The following CSMD1 variants were observed in gnomAD, a reference collection of about 807,000 sequenced individuals.
CSMD1 encodes CUB and Sushi multiple domains 1.
Under a neutral mutation model 417.5 loss-of-function variants are expected in CSMD1, and 213 were observed. The observed-to-expected ratio is 0.51, with a 90% CI of 0.46 to 0.57. The LOEUF is 0.57. Among genes scored for constraint, CSMD1 ranks in the 20% least tolerant of loss-of-function variants. The probability of loss-of-function intolerance (pLI) is 0.00; values close to 1 mark genes in which losing one functional copy is unlikely to be tolerated. For synonymous variants in CSMD1, 2,862 were observed against 1,736.8 expected, an observed-to-expected ratio of 1.65 and a Z score of -16.11; for missense variants, 6,923 against 4,529.7, an observed-to-expected ratio of 1.53 and a Z score of -15.17.
chr8:3,749,167 G>T (rs770913661), intron 6 of CSMD1, among the ~76,000 whole-genome samples: 44 of 152,246 alleles, frequency 2.9e-4, no homozygotes, highest in Non-Finnish European at 5.0e-4. Flanking sequence ...GTGCTTACAA[G>T]GCACTTATTT....
At chr8:3,411,093 G>A (rs188188089) in intron 12 of CSMD1, among the ~76,000 whole-genome samples, 7 of 152,192 alleles carry the variant, frequency 4.6e-5, no homozygotes, top group African/African-American at 1.7e-4. Context: ...TTTGTGCAGA[G>A]TGATGCAGGA....
At chr8:4,328,535 T>G (rs1202635328) in intron 3 of CSMD1, among the ~76,000 whole-genome samples, 1 of 152,056 alleles carries the variant, frequency 6.6e-6, no homozygotes, top group Non-Finnish European at 1.5e-5. Context: ...TCTCCTGTAC[T>G]CTATAAATAT....
chr8:4,946,891 AAT>A (rs140905651), intron 1 of CSMD1, among the ~76,000 whole-genome samples: 4,595 of 152,310 alleles, frequency 0.03, 194 homozygotes, highest in East Asian at 0.15. Flanking sequence ...ATAATCAGAA[AAT>A]ATATGTTTCT....
chr8:3,661,385 C>T (rs1160652395), intron 7 of CSMD1, among the ~76,000 whole-genome samples: 34 of 152,124 alleles, frequency 2.2e-4, no homozygotes, highest in Non-Finnish European at 2.9e-5. Context: ...TGTTACTTCC[C>T]TTTTTTTGTG....
chr8:4,695,046 T>A (rs1407825115), intron 1 of CSMD1, among the ~76,000 whole-genome samples: 2 of 152,180 alleles, frequency 1.3e-5, no homozygotes, highest in Non-Finnish European at 2.9e-5. Flanking sequence ...ATCTTCCCCC[T>A]TCCCCCTTAT....
chr8:3,719,267 C>A (rs917473525), intron 6 of CSMD1, among the ~76,000 whole-genome samples: 40 of 152,016 alleles, frequency 2.6e-4, no homozygotes, highest in African/African-American at 9.4e-4. Flanking sequence ...TTACAAAAAC[C>A]CCAGTTTCAG....
chr8:3,951,558 A>C (rs1338252533), intron 5 of CSMD1, among the ~76,000 whole-genome samples: 3 of 152,204 alleles, frequency 2.0e-5, no homozygotes, highest in African/African-American at 7.2e-5. Context: ...AGTAAAATAC[A>C]TCGCCAAAGA....
At chr8:4,665,445 T>C (rs1408836410) in intron 1 of CSMD1, among the ~76,000 whole-genome samples, 17 of 152,224 alleles carry the variant, frequency 1.1e-4, no homozygotes, top group Non-Finnish European at 1.5e-5. Context: ...CCATGAGAGA[T>C]TCAAACTCCA....
chr8:3,308,353 C>T lies in CSMD1; in HGVS notation c.3782G>A (p.Gly1261Glu). The stretch of plus-strand genomic sequence containing the variant: ...TGGTTTGTCCCACACTCTCCTGTCT[C>T]CACTCAAACAGGTCAGGGTGTTGCT... ...HGSNTLTCLS[G>E]DRRVWDKPLP... The change falls in exon 24 of 70, where the codon GGA (glycine) becomes GAA (glutamate). Residue 1261 changes from glycine (G) to glutamate (E), a missense_variant. Transcript: ENST00000635120. 2 of 1,613,538 alleles carry T rather than the reference C, an allele frequency of 1.2e-6. No individual in the cohort carries two copies. Among genetic ancestry groups the T allele is most frequent in the Non-Finnish European group, 1.7e-6 (2 of 1,179,624 alleles).
intron 51 of CSMD1, among the ~76,000 whole-genome samples, chr8:3,025,928 T>G (rs369012455): frequency 6.6e-6 from 1 of 152,192 alleles, no homozygotes; most frequent in African/African-American, 2.4e-5. Flanking sequence ...GTTTTTAATG[T>G]ATGATATAGT....
intron 3 of CSMD1, among the ~76,000 whole-genome samples, chr8:4,115,197 C>A (rs1802069046): frequency 6.6e-6 from 1 of 152,204 alleles, no homozygotes. Context: ...TCAGCAACTA[C>A]CATCTTGGTA....
At chr8:3,290,733 A>T (rs188878350) in intron 25 of CSMD1, among the ~76,000 whole-genome samples, 3 of 146,786 alleles carry the variant, frequency 2.0e-5, no homozygotes, top group Admixed American at 1.3e-4. Context: ...GGGCTGAGAC[A>T]ATGGGGTTTT....
At chr8:4,946,887 AG>A (rs1248839551) in intron 1 of CSMD1, among the ~76,000 whole-genome samples, 1 of 151,566 alleles carries the variant, frequency 6.6e-6, no homozygotes, top group East Asian at 2.0e-4. Flanking sequence ...TTTAATAATC[AG>A]AAAATATATG....
At chr8:4,756,975 G>T (rs888634224) in intron 1 of CSMD1, among the ~76,000 whole-genome samples, 1 of 152,228 alleles carries the variant, frequency 6.6e-6, no homozygotes, top group Non-Finnish European at 1.5e-5. Flanking sequence ...AGCTGGTGAG[G>T]AAAGAGTGCA....
chr8:4,189,977 C>T (rs951975956), intron 3 of CSMD1, among the ~76,000 whole-genome samples: 1 of 151,640 alleles, frequency 6.6e-6, no homozygotes, highest in South Asian at 2.1e-4. Context: ...AGCAGAGACT[C>T]GCCAGGTGTG....
chr8:3,427,851 G>A (rs1337949527), intron 12 of CSMD1, among the ~76,000 whole-genome samples: 2 of 152,222 alleles, frequency 1.3e-5, no homozygotes, highest in Non-Finnish European at 2.9e-5. Flanking sequence ...GCGTATGCCT[G>A]TCAAATCGAT....
chr8:4,785,144 A>G (rs1797335575), intron 1 of CSMD1, among the ~76,000 whole-genome samples: 1 of 152,226 alleles, frequency 6.6e-6, no homozygotes, highest in African/African-American at 2.4e-5. Context: ...TGTGGAAAAG[A>G]TAGCATGTTT....
intron 1 of CSMD1, among the ~76,000 whole-genome samples, chr8:4,970,582 T>C (rs79592204): frequency 7.1e-6 from 1 of 141,130 alleles, no homozygotes; most frequent in South Asian, 2.1e-4. Flanking sequence ...ATGATCTTGA[T>C]TTTTTTTTAC....
At chr8:4,495,508 G>A (rs1358187174) in intron 2 of CSMD1, among the ~76,000 whole-genome samples, 1 of 152,104 alleles carries the variant, frequency 6.6e-6, no homozygotes, top group Non-Finnish European at 1.5e-5. Context: ...TCAGGAGGCA[G>A]AAGTTGCAGT....
Sources: allele counts gnomAD v4.1 joint callset (sites outside exome capture counted in the v4.1 genomes callset), GRCh38; gene constraint gnomAD v4.1.1; transcripts MANE v1.5; gene names NCBI Gene and HGNC (gene_info 2026-07-23, HGNC 2026-07-21).